CCDC195: variants seen among roughly 807,000 people sequenced by gnomAD.
CCDC195 encodes coiled-coil domain-containing protein 195.
At chr2:224,711,226 A>T (rs1559321898) in intron 1 of CCDC195, among the ~76,000 whole-genome samples, 2 of 152,208 alleles carry the variant, frequency 1.3e-5, no homozygotes, top group Non-Finnish European at 2.9e-5. Context: ...GCAAAGATGC[A>T]TGGTGTGGGA....
At chr2:224,709,101 T>TTG (rs1441752638) in intron 2 of CCDC195, among the ~76,000 whole-genome samples, 9 of 145,638 alleles carry the variant, frequency 6.2e-5, no homozygotes, top group Non-Finnish European at 1.1e-4. Flanking sequence ...TTTTTTTTTT[T>TTG]TTTTTGAGAT....
Position 224,710,322 on chromosome 2 carries a change from T to C in CCDC195, c.236-103A>G, listed in dbSNP as rs1689299742. ...ATTGAAACTAACTAGACAGAACTAT[T>C]GTTTCTCATTACTTTTTTGGCATAA... On this transcript the variant is annotated intron_variant, in intron 1 of 2. Coordinates refer to ENST00000638102, the Ensembl canonical transcript of CCDC195. 3 of 397,190 alleles carry C rather than the reference T, an allele frequency of 7.6e-6. No individual in the cohort carries two copies. In the East Asian group the frequency reaches 1.1e-4, roughly 14 times the overall value. The allele number at this position is 397,190 out of a possible 1,614,324, so 24.6% of individuals were successfully genotyped here.
At chr2:224,711,160 G>A (rs374442908) in intron 1 of CCDC195, among the ~76,000 whole-genome samples, 9 of 152,210 alleles carry the variant, frequency 5.9e-5, no homozygotes, top group African/African-American at 1.2e-4. Flanking sequence ...TGGGACAGTC[G>A]TTAAGAGGAT....
intron 1 of CCDC195, among the ~76,000 whole-genome samples, chr2:224,714,031 G>A (rs914341770): frequency 8.6e-5 from 13 of 151,540 alleles, no homozygotes; most frequent in Non-Finnish European, 1.3e-4. Flanking sequence ...TAGAGATGGC[G>A]GTCTCACTAT....
At chr2:224,716,239 C>A (rs1689381335) in exon 1 of CCDC195, 6 of 398,600 alleles carry the variant, frequency 1.5e-5, no homozygotes, top group African/African-American at 2.1e-5. Context: ...GATTCTCTCC[C>A]TGAGCCTGAG....
intron 2 of CCDC195, among the ~76,000 whole-genome samples, chr2:224,706,302 T>C (rs1574755345): frequency 7.3e-6 from 1 of 136,592 alleles, no homozygotes; most frequent in African/African-American, 2.8e-5. Context: ...GCCTCCCAGG[T>C]TCAAGCAATT....
intron 2 of CCDC195, among the ~76,000 whole-genome samples, chr2:224,706,888 T>G (rs186437128): frequency 0.012 from 1,780 of 145,998 alleles, 33 homozygotes; most frequent in African/African-American, 0.043. Flanking sequence ...TGTGTCTGTG[T>G]GTATATATAT....
At chr2:224,708,840 C>T (rs1307239630) in intron 2 of CCDC195, among the ~76,000 whole-genome samples, 1 of 152,136 alleles carries the variant, frequency 6.6e-6, no homozygotes, top group East Asian at 1.9e-4. Flanking sequence ...TTTCCTCCTT[C>T]TACTCACACA....
At chr2:224,713,087 T>A (rs1055347368) in intron 1 of CCDC195, among the ~76,000 whole-genome samples, 1 of 152,166 alleles carries the variant, frequency 6.6e-6, no homozygotes, top group African/African-American at 2.4e-5. Context: ...CAGGATGGTC[T>A]CGATCTCCTG....
intron 2 of CCDC195, among the ~76,000 whole-genome samples, chr2:224,708,009 TTTCTTCCTTC>T (rs2124849224): frequency 3.9e-5 from 3 of 76,208 alleles, no homozygotes; most frequent in African/African-American, 2.4e-4. Context: ...CCTTCCTTCC[TTTCTTCCTTC>T]CTTCCTTCCT....
intron 2 of CCDC195, among the ~76,000 whole-genome samples, chr2:224,706,860 G>GAT (rs199979596): frequency 5.0e-4 from 75 of 149,066 alleles, no homozygotes; most frequent in South Asian, 1.7e-3. Flanking sequence ...TATAGAACTG[G>GAT]ATATATATAT....
Sources: gnomAD v4.1 joint callset for allele counts (sites outside exome capture counted in the v4.1 genomes callset) on GRCh38, gnomAD v4.1.1 for gene constraint, MANE v1.5 for transcripts, NCBI Gene and HGNC (gene_info 2026-07-23, HGNC 2026-07-21) for gene names.